Variants in AP3D1 observed in about 807,000 individuals in gnomAD.
The protein encoded by AP3D1 is AP-3 complex subunit delta-1.
A neutral mutation model predicts 147.6 loss-of-function variants in AP3D1; 51 were observed. The ratio of observed to expected loss-of-function variants is 0.35; its 90% confidence interval spans 0.28 to 0.44. The LOEUF (loss-of-function observed/expected upper bound fraction) is 0.44. AP3D1 is among the 20% of genes least tolerant of loss of function. AP3D1 has a pLI of 1.00. For synonymous variants in AP3D1, 760 were observed against 663.0 expected, an observed-to-expected ratio of 1.15 and a Z score of -2.25; for missense variants, 1,421 against 1,624.2, an observed-to-expected ratio of 0.87 and a Z score of 2.15.
intron 2 of AP3D1, among the ~76,000 whole-genome samples, chr19:2,138,381 T>C (rs1294560115): frequency 3.9e-5 from 6 of 152,134 alleles, no homozygotes. Flanking sequence ...GAGGACCCCA[T>C]GGGGCTCCCT....
intron 31 of AP3D1, among the ~76,000 whole-genome samples, chr19:2,106,993 G>A (rs769849940): frequency 1.3e-5 from 2 of 152,084 alleles, no homozygotes; most frequent in South Asian, 2.1e-4. Context: ...GCCGGACGCA[G>A]TGGCTCACAC....
chr19:2,157,225 G>A (rs1450847858), intron 1 of AP3D1, among the ~76,000 whole-genome samples: 2 of 151,056 alleles, frequency 1.3e-5, no homozygotes, highest in Non-Finnish European at 1.5e-5. Context: ...GGCGGATCAC[G>A]AGGTCAGGAG....
At position 2,114,222 on chromosome 19, in the gene AP3D1, G is replaced by C. The variant is rs2145035166; in HGVS notation, c.2504C>G (p.Pro835Arg). ...ETSKSPEKDV[P>R]MVEKKSKKPK... ...TTTCTTGCTCTTCTTTTCTACCATG[G>C]GAACGTCCTTCTCAGGGGATTTTGA... Residue 835 changes from proline (P) to arginine (R), a missense_variant, in exon 22 of 32, where the codon CCC becomes CGC. This residue lies in a region of AP3D1 where 791 missense variants were observed against 761.4 expected (regional missense o/e 1.04). Coordinates refer to ENST00000643116, the MANE Select transcript of AP3D1 (RefSeq NM_001261826.3). The C allele has an allele frequency of 6.2e-7, 1 of 1,611,762 alleles. No homozygotes were observed. The highest frequency in any genetic ancestry group is 8.5e-7 in the Non-Finnish European group (1 of 1,179,266).
upstream of AP3D1, among the ~76,000 whole-genome samples, chr19:2,153,239 T>G (rs1462290548): frequency 6.6e-6 from 1 of 150,388 alleles, no homozygotes; most frequent in East Asian, 2.0e-4. Context: ...CCAGACGTGG[T>G]GGAGGGCACC....
intron 22 of AP3D1, 32 bp from the exon 23 acceptor site, chr19:2,113,445 C>CAGTG (rs1346017680): frequency 1.5e-6 from 2 of 1,362,136 alleles, no homozygotes; most frequent in East Asian, 5.5e-5. Flanking sequence ...TCAGCAAACG[C>CAGTG]AGTGCAATGG....
Position 2,121,824 on chromosome 19 carries a change from G to T in AP3D1, c.1011C>A (p.Ser337=), listed in dbSNP as rs372250786. Residue 337 remains serine (S), a synonymous_variant, in exon 12 of 32, where the codon TCC becomes TCA. Coordinates refer to ENST00000643116, the MANE Select transcript of AP3D1 (RefSeq NM_001261826.3). Reference sequence around the variant, plus strand: ...GGATGAGGTCCTTGTGGGACTGCACGGACTTGGGGTGGGTCTTCAGGATCT... The same window carrying T: ...GGATGAGGTCCTTGTGGGACTGCACTGACTTGGGGTGGGTCTTCAGGATCT... The part of the protein sequence containing the change: ...MSKILKTHPK[S]VQSHKDLILQ... 1.5e-5 allele frequency: 24 copies of T among 1,612,576 alleles called. No individual in the cohort carries two copies. Among genetic ancestry groups the T allele is most frequent in the Non-Finnish European group, 2.0e-5 (23 of 1,179,454 alleles).
In AP3D1 at chr19:2,138,261, C is replaced by T. The variant is rs543270805; in HGVS notation, c.192+358G>A. Among the ~76,000 whole-genome samples the T allele has an allele frequency of 3.3e-5, 5 of 152,310 alleles. 1 individual carries two copies. The South Asian group carries it at 1.0e-3, about 32-fold the overall frequency. On this transcript the variant is annotated intron_variant, in intron 2 of 31. Coordinates refer to ENST00000643116, the MANE Select transcript of AP3D1 (RefSeq NM_001261826.3). ...ACTGCAGCCAGGAAAGGAGCCAGCCCTGGAAGGTCCAGGGCCCTAGCTCTC... is the reference window on the plus strand; with the variant it reads ...ACTGCAGCCAGGAAAGGAGCCAGCCTTGGAAGGTCCAGGGCCCTAGCTCTC...
intron 1 of AP3D1, among the ~76,000 whole-genome samples, chr19:2,142,484 G>C (rs796878427): frequency 2.6e-5 from 4 of 152,320 alleles, no homozygotes; most frequent in African/African-American, 9.6e-5. Flanking sequence ...CCGATTCTCA[G>C]TCCTTCGCCT....
chr19:2,125,619 A>T (rs550326478), intron 9 of AP3D1, among the ~76,000 whole-genome samples: 13 of 152,176 alleles, frequency 8.5e-5, no homozygotes, highest in African/African-American at 3.1e-4. Flanking sequence ...ACGCCCGGCC[A>T]GGAGTGTTAT....
chr19:2,152,832 C>T (rs1297315686), upstream of AP3D1, among the ~76,000 whole-genome samples: 2 of 151,674 alleles, frequency 1.3e-5, no homozygotes, highest in African/African-American at 4.8e-5. Context: ...GCCGAGATCG[C>T]GCCACTGCAC....
At chr19:2,155,788 C>G (rs2019640388), upstream of AP3D1, among the ~76,000 whole-genome samples, 1 of 152,000 alleles carries the variant, frequency 6.6e-6, no homozygotes, top group African/African-American at 2.4e-5. Context: ...CGCGGTGGCT[C>G]ACGGCTGACA....
At chr19:2,114,424 C>A in intron 21 of AP3D1, 122 bp from the exon 22 acceptor site, 1 of 837,644 alleles carries the variant, frequency 1.2e-6, no homozygotes, top group Non-Finnish European at 1.9e-6. Flanking sequence ...CTGGCCCCAG[C>A]CATGGCCCAA....
rs1472302392 is a variant in AP3D1, at chr19:2,114,134, C to T, written c.2592G>A (p.Lys864=). ...KERDKEKKKE[K]EKKAEDLDFW... is the part of the protein sequence containing the mutation. The stretch of plus-strand genomic sequence containing the variant: ...TGGGCACTAGCCTTACCTTCTTCTC[C>T]TTCTCCTTCTTCTTCTCCTTGTCTC... The change falls in exon 22 of 32, where the codon AAG becomes AAA. Residue 864 remains lysine (K), a synonymous_variant. Transcript: ENST00000643116. 1.9e-6 allele frequency: 3 copies of T among 1,553,410 alleles called. No homozygotes were observed. The highest frequency in any genetic ancestry group is 2.4e-5 in the East Asian group (1 of 41,620).
At chr19:2,129,701 G>C (rs985079491) in intron 6 of AP3D1, among the ~76,000 whole-genome samples, 2 of 152,208 alleles carry the variant, frequency 1.3e-5, no homozygotes, top group African/African-American at 4.8e-5. Context: ...CCAGGAACAA[G>C]TGCGCACAAG....
At chr19:2,153,669 C>T (rs2019622187), upstream of AP3D1, among the ~76,000 whole-genome samples, 1 of 147,554 alleles carries the variant, frequency 6.8e-6, no homozygotes, top group Non-Finnish European at 1.5e-5. Flanking sequence ...AGCAAGATTC[C>T]GTCTCAAAAA....
intron 6 of AP3D1, among the ~76,000 whole-genome samples, chr19:2,130,126 G>A (rs2018896095): frequency 6.6e-6 from 1 of 152,198 alleles, no homozygotes; most frequent in Admixed American, 6.5e-5. Flanking sequence ...GCCTCCTGGT[G>A]GCACTGGTCC....
Position 2,131,575 on chromosome 19 carries a change from G to A in AP3D1, c.462+896C>T, listed in dbSNP as rs1474545081. Among the ~76,000 whole-genome samples the A allele has an allele frequency of 2.2e-5, 3 of 136,396 alleles. 1 individual carries two copies. The highest frequency in any genetic ancestry group is 2.3e-4 in the South Asian group (1 of 4,416). 89.5% of individuals were successfully genotyped at this position (136,396 alleles called of 152,430 possible). A position where few individuals can be genotyped will look rare whatever the true frequency, so the allele number is the denominator to read the frequency against. ...CAGCCACGCGGGGACAGCGCCCATC[G>A]GCCACGATCTAGACACCAGGTGGAC... On this transcript the variant is annotated intron_variant, in intron 5 of 31. Coordinates refer to ENST00000643116, the MANE Select transcript of AP3D1 (RefSeq NM_001261826.3).
At chr19:2,112,403 G>A (rs538757760) in intron 24 of AP3D1, 260 of 171,634 alleles carry the variant, frequency 1.5e-3, no homozygotes, top group Middle Eastern at 0.011. Context: ...TCAGTGAGAC[G>A]CCACACACAA....
chr19:2,138,447 GT>G (rs1489027527), intron 2 of AP3D1, among the ~76,000 whole-genome samples, 171 bp downstream of exon 2: 1 of 152,242 alleles, frequency 6.6e-6, no homozygotes, highest in African/African-American at 2.4e-5. Context: ...TGCCAGCCAT[GT>G]GACCAACATG....
Sources: allele counts gnomAD v4.1 joint callset (sites outside exome capture counted in the v4.1 genomes callset), GRCh38; gene constraint gnomAD v4.1.1; regional missense constraint gnomAD v4.1.1; transcripts MANE v1.5; gene names NCBI Gene and HGNC (gene_info 2026-07-23, HGNC 2026-07-21).